The following TENM4 variants were observed in gnomAD, a reference collection of about 807,000 sequenced individuals.
TENM4 encodes the protein teneurin-4.
In TENM4, 82 loss-of-function variants were observed where a neutral mutation model predicts 243.3. That is an observed-to-expected ratio of 0.34 (90% CI 0.28 to 0.40). The LOEUF (loss-of-function observed/expected upper bound fraction) is 0.40. TENM4 is among the 10% of genes least tolerant of loss of function. TENM4 has a pLI of 1.00. For missense variants in TENM4, 3,138 were observed against 3,673.3 expected (o/e 0.85, Z 3.77); for synonymous variants, 1,412 against 1,456.3 (o/e 0.97, Z 0.69).
chr11:79,163,721 C>T (rs1458887089), intron 3 of TENM4, among the ~76,000 whole-genome samples: 1 of 150,658 alleles, frequency 6.6e-6, no homozygotes, highest in African/African-American at 2.4e-5. Context: ...AGCATTATTT[C>T]ATTTCTTTTT....
intron 1 of TENM4, among the ~76,000 whole-genome samples, chr11:79,339,813 G>C (rs1017485955): frequency 2.6e-5 from 4 of 152,166 alleles, no homozygotes; most frequent in Non-Finnish European, 5.9e-5. Context: ...GAAGGAGAAA[G>C]AGTAAAGAAT....
chr11:79,382,001 G>C (rs1172006216), intron 1 of TENM4, among the ~76,000 whole-genome samples: 1 of 152,116 alleles, frequency 6.6e-6, no homozygotes, highest in African/African-American at 2.4e-5. Flanking sequence ...TTTCAAACTA[G>C]GTCACATTTA....
intron 15 of TENM4, among the ~76,000 whole-genome samples, chr11:78,787,315 C>A (rs1307925340): frequency 6.6e-6 from 1 of 152,196 alleles, no homozygotes; most frequent in South Asian, 2.1e-4. Context: ...ATTCTCTGGG[C>A]AGAAGCCTGC....
chr11:79,231,303 G>A lies in TENM4; in HGVS notation c.-264-15394C>T, dbSNP rs1864368168. On this transcript the variant is annotated intron_variant, in intron 2 of 33. Coordinates refer to ENST00000278550, the MANE Select transcript of TENM4 (RefSeq NM_001098816.3). Reference sequence around the variant, plus strand: ...AAATATGTTAAGTGAATGCACACATGGAAATAATGTTCAGTTTCTCTAGTA... The same window carrying A: ...AAATATGTTAAGTGAATGCACACATAGAAATAATGTTCAGTTTCTCTAGTA... Among the ~76,000 whole-genome samples the A allele has an allele frequency of 2.0e-5, 3 of 151,862 alleles. No individual in the cohort carries two copies. The South Asian group carries it at 6.2e-4, about 32-fold the overall frequency.
chr11:78,812,349 C>T, intron 13 of TENM4, 33 bp from the exon 14 acceptor site: 4 of 1,543,124 alleles, frequency 2.6e-6, no homozygotes, highest in Non-Finnish European at 3.5e-6. Flanking sequence ...TGGCATGAAT[C>T]AATGTCCAGC....
intron 13 of TENM4, among the ~76,000 whole-genome samples, chr11:78,813,301 G>C (rs780506457): frequency 1.3e-5 from 2 of 152,124 alleles, no homozygotes; most frequent in African/African-American, 2.4e-5. Context: ...TCAGGACTCG[G>C]GTGTAGTGTC....
At chr11:79,207,118 G>A (rs996550969) in intron 3 of TENM4, among the ~76,000 whole-genome samples, 7 of 152,160 alleles carry the variant, frequency 4.6e-5, no homozygotes, top group African/African-American at 9.7e-5. Flanking sequence ...GCAAGGCAAT[G>A]AGCCTGTGGG....
At chr11:78,751,333 C>T (rs1856187546) in intron 19 of TENM4, among the ~76,000 whole-genome samples, 1 of 152,188 alleles carries the variant, frequency 6.6e-6, no homozygotes, top group African/African-American at 2.4e-5. Flanking sequence ...AGTCCCCTGA[C>T]TTCTTGAGCC....
intron 3 of TENM4, among the ~76,000 whole-genome samples, chr11:79,201,152 G>T (rs545055030): frequency 6.6e-6 from 1 of 152,296 alleles, no homozygotes; most frequent in East Asian, 1.9e-4. Flanking sequence ...CTGGAAGAAG[G>T]CAGTTGGGAA....
chr11:79,032,688 A>G (rs559361049), intron 6 of TENM4, among the ~76,000 whole-genome samples: 4 of 152,320 alleles, frequency 2.6e-5, no homozygotes, highest in African/African-American at 7.2e-5. Flanking sequence ...CAGAAAGATA[A>G]TTGCTTGAAG....
At chr11:79,274,500 C>T (rs537896739) in intron 2 of TENM4, among the ~76,000 whole-genome samples, 2 of 152,302 alleles carry the variant, frequency 1.3e-5, no homozygotes, top group African/African-American at 2.4e-5. Flanking sequence ...AGGTAGCTCC[C>T]TGCATCTTCT....
chr11:78,766,789 G>A lies in TENM4; in HGVS notation c.2539+4203C>T, dbSNP rs148196950. ...ACAATCTCAGCTCACTGAAACCTCC[G>A]CCTCCCAAATTAAAGTGATTCTCGT... On this transcript the variant is annotated intron_variant, in intron 18 of 33. Coordinates refer to ENST00000278550, the MANE Select transcript of TENM4 (RefSeq NM_001098816.3). Among the ~76,000 whole-genome samples, 1,192 of 146,812 alleles carry A rather than the reference G, an allele frequency of 8.1e-3. 22 individuals are homozygous for A. The highest frequency in any genetic ancestry group is 0.029 in the African/African-American group (1,135 of 39,370).
At chr11:78,736,091 T>A (rs1471463872) in intron 20 of TENM4, among the ~76,000 whole-genome samples, 1 of 152,066 alleles carries the variant, frequency 6.6e-6, no homozygotes, top group African/African-American at 2.4e-5. Flanking sequence ...TTGCTGGGAC[T>A]ACAGGTGCAT....
intron 19 of TENM4, among the ~76,000 whole-genome samples, chr11:78,752,988 A>G (rs74632399): frequency 6.6e-6 from 1 of 152,270 alleles, no homozygotes; most frequent in East Asian, 1.9e-4. Flanking sequence ...TTTTGTTCCC[A>G]TTTAATTCTC....
intron 18 of TENM4, among the ~76,000 whole-genome samples, chr11:78,760,749 T>C (rs920502157): frequency 1.3e-5 from 2 of 152,232 alleles, no homozygotes; most frequent in African/African-American, 4.8e-5. Context: ...AATTAACTAC[T>C]AAATGCTTAG....
chr11:78,763,975 T>C (rs1270560343), intron 18 of TENM4, among the ~76,000 whole-genome samples: 3 of 102,650 alleles, frequency 2.9e-5, no homozygotes, highest in African/African-American at 1.9e-4. Flanking sequence ...TTCCTGTTTG[T>C]TGTGTGACCT....
At chr11:78,899,738 A>AGCCT (rs1363748966) in intron 7 of TENM4, among the ~76,000 whole-genome samples, 1 of 152,112 alleles carries the variant, frequency 6.6e-6, no homozygotes, top group Non-Finnish European at 1.5e-5. Context: ...TGTTAAAAAG[A>AGCCT]GCCTGGCACC....
At chr11:79,352,984 C>T (rs568747467) in intron 1 of TENM4, among the ~76,000 whole-genome samples, 2 of 152,074 alleles carry the variant, frequency 1.3e-5, no homozygotes, top group African/African-American at 4.8e-5. Flanking sequence ...GAGACACAGG[C>T]AGACGGATAC....
At chr11:79,283,565 C>A (rs967102473) in intron 2 of TENM4, among the ~76,000 whole-genome samples, 19 of 152,244 alleles carry the variant, frequency 1.2e-4, no homozygotes, top group Middle Eastern at 6.8e-3. Context: ...AAATACTTAA[C>A]TTGATAGAGG....
Sources: gnomAD v4.1 joint callset for allele counts (sites outside exome capture counted in the v4.1 genomes callset) on GRCh38, gnomAD v4.1.1 for gene constraint, MANE v1.5 for transcripts, NCBI Gene and HGNC (gene_info 2026-07-23, HGNC 2026-07-21) for gene names.